The following GASK1B variants were observed in gnomAD, a reference collection of about 807,000 sequenced individuals.
GASK1B encodes golgi associated kinase 1B, also known as Golgi-associated kinase 1B.
GASK1B carries 34 observed loss-of-function variants against 42.8 expected under a neutral mutation model. The observed-to-expected ratio is 0.79, with a 90% confidence interval of 0.60 to 1.06. GASK1B has a LOEUF of 1.06. Among genes scored for constraint, GASK1B ranks in the 50% least tolerant of loss-of-function variants. The pLI is 0.00. For missense variants in GASK1B, 686 were observed against 661.0 expected (o/e 1.04, Z -0.42); for synonymous variants, 262 against 259.1 (o/e 1.01, Z -0.11).
In GASK1B at chr4:158,130,878, A is replaced by G; in HGVS notation, c.1260T>C (p.His420=). The G allele has an allele frequency of 1.2e-6, 2 of 1,614,124 alleles. No homozygotes were observed. Among genetic ancestry groups the G allele is most frequent in the Non-Finnish European group, 1.7e-6 (2 of 1,179,994 alleles). ...AALAHIIQRK[H]DPRHLVFIDN... Reference sequence around the variant, plus strand: ...CTATAAAAACCAAATGCCTTGGGTCATGCTTTCGCTGGATAATGTGTGCTA... The same window carrying G: ...CTATAAAAACCAAATGCCTTGGGTCGTGCTTTCGCTGGATAATGTGTGCTA... Residue 420 remains histidine (H), a synonymous_variant, in exon 4 of 5, where the codon CAT becomes CAC. Coordinates refer to ENST00000585682, the MANE Select transcript of GASK1B (RefSeq NM_001128424.2).
chr4:158,164,500 T>A (rs1177727763), intron 2 of GASK1B, among the ~76,000 whole-genome samples: 1 of 152,202 alleles, frequency 6.6e-6, no homozygotes, highest in Non-Finnish European at 1.5e-5. Context: ...CTCAGTAAAC[T>A]TTTGTTCACT....
Position 158,171,604 on chromosome 4 carries a change from G to C in GASK1B, c.-224-5C>G. Reference sequence around the variant, plus strand: ...AAGGAGAAATGCGGCTTGTTTCTGGGAATGAATGGATACAGAGTTAACTGA... The same window carrying C: ...AAGGAGAAATGCGGCTTGTTTCTGGCAATGAATGGATACAGAGTTAACTGA... On this transcript the variant is annotated splice_polypyrimidine_tract_variant and splice_region_variant and intron_variant, in intron 1 of 4. Coordinates refer to ENST00000585682, the MANE Select transcript of GASK1B (RefSeq NM_001128424.2). The C allele has an allele frequency of 2.4e-6, 1 of 424,746 alleles. No individual in the cohort carries two copies. The highest frequency in any genetic ancestry group is 4.1e-6 in the Non-Finnish European group (1 of 241,924). The allele number at this position is 424,746 out of a possible 1,614,324, so 26.3% of individuals were successfully genotyped here.
At chr4:158,159,492 A>G (rs753451105) in intron 2 of GASK1B, 1 of 438,730 alleles carries the variant, frequency 2.3e-6, no homozygotes, top group South Asian at 1.6e-5. Context: ...CTCTGAAAAC[A>G]GGAAACTGGT....
intron 4 of GASK1B, among the ~76,000 whole-genome samples, chr4:158,130,444 C>T (rs1378589256): frequency 6.6e-6 from 1 of 152,160 alleles, no homozygotes; most frequent in Non-Finnish European, 1.5e-5. Context: ...GAGCCTCTGC[C>T]ACCTGCTTAT....
rs575082193 is a variant in GASK1B, at chr4:158,124,952, T to C, written c.*2455A>G. 12 of 152,286 alleles carry C rather than the reference T, an allele frequency of 7.9e-5. No individual in the cohort carries two copies. In the South Asian group the frequency reaches 2.5e-3, roughly 32 times the overall value. 9.4% of individuals were successfully genotyped at this position (152,286 alleles called of 1,614,324 possible). A position where few individuals can be genotyped will look rare whatever the true frequency, so the allele number is the denominator to read the frequency against. On this transcript the variant is annotated 3_prime_UTR_variant, in exon 5 of 5. Coordinates refer to ENST00000585682, the MANE Select transcript of GASK1B (RefSeq NM_001128424.2). Reference sequence around the variant, plus strand: ...AGTCACACAAGAATAAGCTTTTGCATGTCTGCTAAGGTAAATTATTATATT... The same window carrying C: ...AGTCACACAAGAATAAGCTTTTGCACGTCTGCTAAGGTAAATTATTATATT...
At chr4:158,144,080 G>A (rs531015799) in intron 3 of GASK1B, among the ~76,000 whole-genome samples, 1 of 152,120 alleles carries the variant, frequency 6.6e-6, no homozygotes, top group South Asian at 2.1e-4. Flanking sequence ...AAGTAGATCT[G>A]TATATGTACT....
intron 2 of GASK1B, among the ~76,000 whole-genome samples, chr4:158,157,566 C>T (rs968306316): frequency 1.3e-5 from 2 of 152,108 alleles, no homozygotes; most frequent in South Asian, 2.1e-4. Context: ...GTACTTCAGG[C>T]GTCTAAAAAC....
chr4:158,160,042 C>T (rs1432414161), intron 2 of GASK1B, among the ~76,000 whole-genome samples: 1 of 152,074 alleles, frequency 6.6e-6, no homozygotes, highest in East Asian at 1.9e-4. Context: ...CTTTCTCTTG[C>T]ACGGGCCATG....
At chr4:158,154,232 T>A (rs1333679457) in intron 3 of GASK1B, among the ~76,000 whole-genome samples, 5 of 149,416 alleles carry the variant, frequency 3.3e-5, no homozygotes, top group African/African-American at 1.2e-4. Context: ...ATAATTCTCA[T>A]AAGATATACA....
chr4:158,171,057 C>A lies in GASK1B; in HGVS notation c.319G>T (p.Val107Leu). Residue 107 changes from valine (V) to leucine (L), a missense_variant, in exon 2 of 5, where the codon GTG (valine) becomes TTG (leucine). Val to Leu is a conservative substitution (Grantham distance 32, BLOSUM62 1). Coordinates refer to ENST00000585682, the MANE Select transcript of GASK1B (RefSeq NM_001128424.2). ...CGCTTGGAGCGTAGGGTAATGTACACCACATTGGGCTGCAGAGTGGACCCA... is the reference window on the plus strand; with the variant it reads ...CGCTTGGAGCGTAGGGTAATGTACAACACATTGGGCTGCAGAGTGGACCCA... ...GNGSTLQPNV[V>L]YITLRSKRSK... The A allele has an allele frequency of 1.2e-6, 2 of 1,612,666 alleles. No homozygotes were observed. Among genetic ancestry groups the A allele is most frequent in the Non-Finnish European group, 1.7e-6 (2 of 1,178,862 alleles).
chr4:158,148,040 G>A (rs1168320456), intron 3 of GASK1B, among the ~76,000 whole-genome samples: 8 of 151,974 alleles, frequency 5.3e-5, no homozygotes, highest in African/African-American at 1.9e-4. Flanking sequence ...AATGAGACCT[G>A]TCTCTAAAAA....
intron 2 of GASK1B, among the ~76,000 whole-genome samples, chr4:158,167,743 T>C (rs1170620896): frequency 6.6e-6 from 1 of 152,170 alleles, no homozygotes; most frequent in East Asian, 1.9e-4. Context: ...TTATATAATA[T>C]AATGATATAG....
chr4:158,152,054 G>A (rs1333381538), intron 3 of GASK1B, among the ~76,000 whole-genome samples: 1 of 152,166 alleles, frequency 6.6e-6, no homozygotes, highest in Non-Finnish European at 1.5e-5. Flanking sequence ...ATGCTGGATG[G>A]TTCCTGCCCT....
At chr4:158,129,456 C>T (rs6821598) in intron 4 of GASK1B, among the ~76,000 whole-genome samples, 135,653 of 152,214 alleles carry the variant, frequency 0.89, 61,377 homozygotes, top group East Asian at 0.98. Context: ...GGGCAGGACC[C>T]GGCAAAAACT....
rs1341022490 is a variant in GASK1B, at chr4:158,130,800, T to C, written c.1338A>G (p.Leu446=). ...RSEDNLNFKL[L]EGIKEFPASA... is the part of the protein sequence containing the mutation. ...ATAAAACTTACTCTTTGATGCCTTC[T>C]AACAATTTGAAGTTTAAGTTATCTT... Residue 446 remains leucine, a synonymous_variant, in exon 4 of 5, where the codon TTA becomes TTG. Transcript: ENST00000585682. The C allele has an allele frequency of 6.2e-7, 1 of 1,612,530 alleles. No individual in the cohort carries two copies. Among genetic ancestry groups the C allele is most frequent in the Non-Finnish European group, 8.5e-7 (1 of 1,179,622 alleles).
At chr4:158,156,917 T>C (rs1168651733) in intron 2 of GASK1B, among the ~76,000 whole-genome samples, 1 of 152,136 alleles carries the variant, frequency 6.6e-6, no homozygotes. Context: ...TAGCCTTACA[T>C]GTTCTCAATA....
intron 3 of GASK1B, among the ~76,000 whole-genome samples, chr4:158,131,435 A>G (rs1394271586): frequency 6.6e-5 from 10 of 152,208 alleles, no homozygotes. Context: ...CATTGCCACA[A>G]AAAGTTTATT....
intron 2 of GASK1B, among the ~76,000 whole-genome samples, chr4:158,162,676 A>C (rs916803162): frequency 6.6e-6 from 1 of 152,152 alleles, no homozygotes; most frequent in Non-Finnish European, 1.5e-5. Flanking sequence ...GGACGATGAA[A>C]ATAGGGGTGG....
intron 3 of GASK1B, 42 bp downstream of exon 3, chr4:158,155,553 GGCTAATATAACTCAGC>G: frequency 1.4e-6 from 2 of 1,402,024 alleles, no homozygotes. Flanking sequence ...CTTAGTGTCA[GGCTAATATAACTCAGC>G]GCCAGTCTTA....
Sources: allele counts gnomAD v4.1 joint callset (sites outside exome capture counted in the v4.1 genomes callset), GRCh38; gene constraint gnomAD v4.1.1; transcripts MANE v1.5; gene names NCBI Gene and HGNC (gene_info 2026-07-23, HGNC 2026-07-21).